INPP4B: variants seen among roughly 807,000 people sequenced by gnomAD.
INPP4B encodes the protein inositol polyphosphate 4-phosphatase type II.
Under a neutral mutation model 122.5 loss-of-function variants are expected in INPP4B, and 55 were observed. The ratio of observed to expected loss-of-function variants is 0.45; its 90% CI spans 0.36 to 0.56. The LOEUF is 0.56. INPP4B is among the 20% of genes least tolerant of loss of function. The pLI is 0.00. For missense variants in INPP4B, 1,000 were observed against 1,097.7 expected (o/e 0.91, Z 1.26); for synonymous variants, 403 against 388.7 (o/e 1.04, Z -0.43).
intron 5 of INPP4B, among the ~76,000 whole-genome samples, chr4:142,414,209 T>TA (rs1276724332): frequency 6.6e-6 from 1 of 152,178 alleles, no homozygotes; most frequent in Non-Finnish European, 1.5e-5. Flanking sequence ...TTATTTTTTT[T>TA]ACCATCCTAT....
At chr4:142,112,114 T>C (rs1452314249) in intron 22 of INPP4B, among the ~76,000 whole-genome samples, 1 of 152,142 alleles carries the variant, frequency 6.6e-6, no homozygotes, top group Non-Finnish European at 1.5e-5. Flanking sequence ...AAGTCATTAT[T>C]AAAAAAGCTA....
chr4:142,398,074 A>G (rs1434694609), intron 7 of INPP4B, among the ~76,000 whole-genome samples: 2 of 151,562 alleles, frequency 1.3e-5, no homozygotes, highest in Non-Finnish European at 2.9e-5. Context: ...TTTTATGGAG[A>G]TTAAAAAAAA....
At chr4:142,429,364 TA>T in intron 4 of INPP4B, 147 bp from the exon 5 acceptor site, 1 of 550,200 alleles carries the variant, frequency 1.8e-6, no homozygotes, top group Non-Finnish European at 3.3e-6. Flanking sequence ...GGGTTATAAA[TA>T]ATCAGTTCTC....
At chr4:142,374,938 A>G (rs950898802) in intron 7 of INPP4B, among the ~76,000 whole-genome samples, 1 of 151,908 alleles carries the variant, frequency 6.6e-6, no homozygotes, top group African/African-American at 2.4e-5. Flanking sequence ...AAAGGTAGGA[A>G]CAATTACCAA....
chr4:142,103,747 T>G (rs555701406), intron 23 of INPP4B, among the ~76,000 whole-genome samples: 25 of 152,140 alleles, frequency 1.6e-4, no homozygotes, highest in Middle Eastern at 3.4e-3. Context: ...CACATAATAT[T>G]ATCTCCACCA....
intron 17 of INPP4B, 65 bp from the exon 18 acceptor site, chr4:142,146,061 A>G: frequency 6.5e-7 from 1 of 1,550,084 alleles, no homozygotes; most frequent in Non-Finnish European, 8.8e-7. Flanking sequence ...AAAGTCGGAT[A>G]AATCTATTTT....
At chr4:142,732,905 A>G (rs1412233687) in intron 1 of INPP4B, among the ~76,000 whole-genome samples, 1 of 152,208 alleles carries the variant, frequency 6.6e-6, no homozygotes, top group Non-Finnish European at 1.5e-5. Context: ...AAATTGCCAG[A>G]TATCAAAACT....
intron 1 of INPP4B, among the ~76,000 whole-genome samples, chr4:142,756,296 TAAGATTTTCATGACATTAGAA>T (rs1037230933): frequency 3.9e-5 from 6 of 152,046 alleles, no homozygotes; most frequent in African/African-American, 1.4e-4. Context: ...GAAAATAAAG[TAAGATTTTCATGACATTAGAA>T]AACTGCGGCG....
In INPP4B at chr4:142,180,324, C is replaced by CA. The variant is rs918619760; in HGVS notation, c.1182-6516dup. Among the ~76,000 whole-genome samples, 31 of 151,394 alleles carry CA rather than the reference C, an allele frequency of 2.0e-4. 1 individual carries two copies. Among genetic ancestry groups the CA allele is most frequent in the Admixed American group, 5.3e-4 (8 of 15,214 alleles). The stretch of plus-strand genomic sequence containing the variant: ...TGATTATGATTCTGGAATAAGAATA[C>CA]AAAAAAAACAGAAGGTACATATACA... On this transcript the variant is annotated intron_variant, in intron 15 of 25. Transcript: ENST00000262992.
chr4:142,611,206 C>T (rs1742419000), intron 2 of INPP4B, among the ~76,000 whole-genome samples: 1 of 152,096 alleles, frequency 6.6e-6, no homozygotes, highest in South Asian at 2.1e-4. Context: ...ACAATCATGT[C>T]TTGCAAGAAC....
intron 12 of INPP4B, among the ~76,000 whole-genome samples, chr4:142,232,569 T>C (rs1357706139): frequency 6.6e-6 from 1 of 151,790 alleles, no homozygotes; most frequent in Admixed American, 6.6e-5. Context: ...CTCCCTCTTC[T>C]CCTTGGGCCT....
At chr4:142,411,551 G>T (rs1344643281) in intron 5 of INPP4B, among the ~76,000 whole-genome samples, 1 of 152,100 alleles carries the variant, frequency 6.6e-6, no homozygotes, top group East Asian at 1.9e-4. Context: ...AGCAAAAAGG[G>T]CCAGAGTACA....
intron 25 of INPP4B, among the ~76,000 whole-genome samples, chr4:142,047,772 G>C (rs1752353533): frequency 6.6e-6 from 1 of 151,976 alleles, no homozygotes; most frequent in Non-Finnish European, 1.5e-5. Flanking sequence ...CAGAGACAAA[G>C]AAAGATAGCA....
At chr4:142,635,726 AG>A (rs1749002529) in intron 2 of INPP4B, among the ~76,000 whole-genome samples, 1 of 152,130 alleles carries the variant, frequency 6.6e-6, no homozygotes, top group South Asian at 2.1e-4. Context: ...GGTAGTAAAA[AG>A]GAGAGCAGTA....
intron 17 of INPP4B, among the ~76,000 whole-genome samples, 153 bp from the exon 18 acceptor site, chr4:142,146,149 G>GA (rs550293420): frequency 6.6e-5 from 10 of 152,204 alleles, no homozygotes; most frequent in South Asian, 2.1e-4. Context: ...TCAGACTATG[G>GA]ATATATAATG....
At chr4:142,193,471 T>C (rs1479721586) in intron 14 of INPP4B, among the ~76,000 whole-genome samples, 6 of 152,164 alleles carry the variant, frequency 3.9e-5, no homozygotes, top group African/African-American at 1.4e-4. Context: ...TCTCTCATTA[T>C]TCTATATACT....
rs1342528451 is a variant in INPP4B at position 142,112,611 on chromosome 4, CCTT to C, written c.2204_2206del (p.Glu735del). The C allele has an allele frequency of 3.7e-6, 6 of 1,613,056 alleles. No individual in the cohort carries two copies. In the African/African-American group the frequency reaches 4.0e-5, roughly 11 times the overall value. On this transcript the variant is annotated inframe_deletion, in exon 22 of 26. Transcript: ENST00000262992. ...TACTGGATACACATGAAGCAACTGT[CCTT>C]CTTTAATCTGTAGAGGTAGTGACTC...
At chr4:142,288,973 C>G (rs1755119374) in intron 9 of INPP4B, among the ~76,000 whole-genome samples, 1 of 152,162 alleles carries the variant, frequency 6.6e-6, no homozygotes, top group Non-Finnish European at 1.5e-5. Flanking sequence ...GGTTTATCCT[C>G]TGCTTCACTG....
chr4:142,288,366 C>T (rs992048795), intron 9 of INPP4B, among the ~76,000 whole-genome samples: 5 of 152,282 alleles, frequency 3.3e-5, no homozygotes, highest in Middle Eastern at 3.4e-3. Context: ...AGGTGGATCA[C>T]GAGGTCAGCA....
Sources: allele counts gnomAD v4.1 joint callset (sites outside exome capture counted in the v4.1 genomes callset), GRCh38; gene constraint gnomAD v4.1.1; transcripts MANE v1.5; gene names NCBI Gene and HGNC (gene_info 2026-07-23, HGNC 2026-07-21).